FBLN5: variants seen among roughly 807,000 people sequenced by gnomAD.
FBLN5 encodes fibulin-5.
Under a neutral mutation model 61.6 loss-of-function variants are expected in FBLN5, and 24 were observed. The observed-to-expected ratio is 0.39, with a 90% confidence interval of 0.28 to 0.55. The LOEUF is 0.55. Ranked by LOEUF, FBLN5 falls within the 20% of genes least tolerant of loss-of-function variation. FBLN5 has a pLI of 0.65. For synonymous variants in FBLN5, 213 were observed against 219.8 expected (o/e 0.97, Z 0.27); for missense variants, 470 against 594.1 (o/e 0.79, Z 2.17).
At chr14:91,871,632 G>A (rs1029871314) in intron 10 of FBLN5, among the ~76,000 whole-genome samples, 5 of 152,084 alleles carry the variant, frequency 3.3e-5, no homozygotes, top group African/African-American at 7.2e-5. Flanking sequence ...CGAGGTGGGC[G>A]GATCACTTGA....
At chr14:91,903,655 C>G (rs937667395) in intron 4 of FBLN5, among the ~76,000 whole-genome samples, 2 of 152,112 alleles carry the variant, frequency 1.3e-5, no homozygotes, top group African/African-American at 4.8e-5. Context: ...CCCACACCAG[C>G]GCTCCATTCC....
chr14:91,904,189 A>G (rs1890577395), intron 4 of FBLN5, among the ~76,000 whole-genome samples: 1 of 152,208 alleles, frequency 6.6e-6, no homozygotes, highest in East Asian at 1.9e-4. Context: ...CACCCCACAC[A>G]GTGCCTGGCA....
intron 4 of FBLN5, among the ~76,000 whole-genome samples, chr14:91,919,376 GA>G (rs746374898): frequency 0.34 from 30,763 of 89,464 alleles, 4,834 homozygotes; most frequent in Middle Eastern, 0.44. Context: ...GAAAAGAAAA[GA>G]AAAGAAAGAA....
chr14:91,946,814 G>A (rs1371441883), intron 1 of FBLN5: 1 of 1,532,470 alleles, frequency 6.5e-7, no homozygotes, highest in East Asian at 2.4e-5. Context: ...CAGCTAGCCT[G>A]TCTGCTTGTC....
intron 4 of FBLN5, among the ~76,000 whole-genome samples, chr14:91,923,403 C>A (rs2055773876): frequency 6.6e-6 from 1 of 152,178 alleles, no homozygotes; most frequent in Admixed American, 6.5e-5. Flanking sequence ...TCTGTGCCTG[C>A]CCTGCCCACA....
rs1889984360 is a variant in FBLN5 at position 91,891,297 on chromosome 14, A to G, written c.543T>C (p.Cys181=). The part of the protein sequence containing the change: ...ECRYGYCQQL[C]ANVPGSYSCT... The stretch of plus-strand genomic sequence containing the variant: ...AAGAATAGGATCCAGGAACATTCGC[A>G]CAGAGCTGCTGGCAGTAACCATAGC... Residue 181 remains cysteine, a synonymous_variant, in exon 6 of 11, where the codon TGT becomes TGC. Coordinates refer to ENST00000342058, the MANE Select transcript of FBLN5 (RefSeq NM_006329.4). 4.3e-6 allele frequency: 7 copies of G among 1,614,046 alleles called. No homozygotes were observed. The East Asian group carries it at 1.6e-4, about 36-fold the overall frequency.
At chr14:91,936,081 G>A (rs1467648333) in intron 4 of FBLN5, among the ~76,000 whole-genome samples, 1 of 152,114 alleles carries the variant, frequency 6.6e-6, no homozygotes, top group Admixed American at 6.5e-5. Context: ...CCCTAATAGT[G>A]GGTTACAGCT....
At chr14:91,944,311 A>G (rs2056151681) in intron 1 of FBLN5, among the ~76,000 whole-genome samples, 1 of 152,242 alleles carries the variant, frequency 6.6e-6, no homozygotes, top group Non-Finnish European at 1.5e-5. Flanking sequence ...GAAAAGAGCA[A>G]GCGTTAGGGA....
intron 4 of FBLN5, among the ~76,000 whole-genome samples, chr14:91,908,065 A>G (rs1401854147): frequency 6.6e-6 from 1 of 152,182 alleles, no homozygotes; most frequent in African/African-American, 2.4e-5. Context: ...TGCCTGATCA[A>G]TTGGGTTCTT....
intron 4 of FBLN5, among the ~76,000 whole-genome samples, chr14:91,926,534 C>A (rs1480508509): frequency 6.6e-6 from 1 of 152,206 alleles, no homozygotes; most frequent in Non-Finnish European, 1.5e-5. Context: ...GCCTCTGTGG[C>A]CTGTGTGAGG....
At chr14:91,931,504 G>A (rs1305178059) in intron 4 of FBLN5, among the ~76,000 whole-genome samples, 1 of 152,218 alleles carries the variant, frequency 6.6e-6, no homozygotes, top group Non-Finnish European at 1.5e-5. Context: ...GATTCCATGT[G>A]TTGCTCTCTG....
intron 3 of FBLN5, among the ~76,000 whole-genome samples, chr14:91,937,692 G>C (rs2056042395): frequency 6.6e-6 from 1 of 152,144 alleles, no homozygotes; most frequent in African/African-American, 2.4e-5. Context: ...GCGTACTTCG[G>C]AACTCTGCAG....
intron 5 of FBLN5, among the ~76,000 whole-genome samples, chr14:91,893,858 G>A (rs1890096664): frequency 6.6e-6 from 1 of 152,208 alleles, no homozygotes; most frequent in African/African-American, 2.4e-5. Context: ...GTTGGTGGCG[G>A]GGAAGGGCAA....
chr14:91,870,487 C>T, intron 10 of FBLN5, 102 bp from the exon 11 acceptor site: 4 of 1,102,372 alleles, frequency 3.6e-6, no homozygotes, highest in Non-Finnish European at 5.6e-6. Flanking sequence ...ACTGGCACCC[C>T]CTCGGTGCCT....
intron 4 of FBLN5, among the ~76,000 whole-genome samples, chr14:91,905,059 C>G (rs940069684): frequency 6.6e-6 from 1 of 152,160 alleles, no homozygotes; most frequent in African/African-American, 2.4e-5. Context: ...CGTGAGAATA[C>G]CCAGGTGTGC....
intron 3 of FBLN5, among the ~76,000 whole-genome samples, chr14:91,939,138 A>T (rs1033287832): frequency 4.6e-5 from 7 of 152,150 alleles, no homozygotes; most frequent in African/African-American, 1.4e-4. Flanking sequence ...TAAAAGCTAA[A>T]TACTTCCCCT....
In FBLN5 at chr14:91,940,563, A is replaced by G; in HGVS notation, c.124+2T>C. The G allele has an allele frequency of 6.2e-7, 1 of 1,613,130 alleles. No individual in the cohort carries two copies. Among genetic ancestry groups the G allele is most frequent in the Non-Finnish European group, 8.5e-7 (1 of 1,179,222 alleles). On this transcript the variant is annotated splice_donor_variant, in intron 3 of 10. Transcript: ENST00000342058. LOFTEE classifies it high-confidence loss of function. ...CAATGAAGGATCCACAGTGGCTCAT[A>G]CCTAAACACTGTCCTGACTGGCGAT...
chr14:91,938,190 C>T (rs1440247525), intron 3 of FBLN5: 1 of 152,712 alleles, frequency 6.5e-6, no homozygotes, highest in Non-Finnish European at 1.5e-5. Context: ...GGCACAGTGG[C>T]TCATGCCTGT....
chr14:91,919,435 A>AAGGAAGGG (rs1555378260), intron 4 of FBLN5, among the ~76,000 whole-genome samples: 1 of 150,248 alleles, frequency 6.7e-6, no homozygotes, highest in African/African-American at 2.5e-5. Context: ...GGAAGGAAGG[A>AAGGAAGGG]TTACCAGGGG....
Sources: allele counts gnomAD v4.1 joint callset (sites outside exome capture counted in the v4.1 genomes callset), GRCh38; gene constraint gnomAD v4.1.1; transcripts MANE v1.5; gene names NCBI Gene and HGNC (gene_info 2026-07-23, HGNC 2026-07-21).